MYO1B: variants seen among roughly 807,000 people sequenced by gnomAD.
MYO1B encodes myosin IB, also known as unconventional myosin-Ib.
A neutral mutation model predicts 159.7 loss-of-function variants in MYO1B; 72 were observed. The observed-to-expected ratio is 0.45, with a 90% confidence interval of 0.37 to 0.55. The LOEUF is 0.55. Ranked by LOEUF, MYO1B falls within the 20% of genes least tolerant of loss-of-function variation. The probability of loss-of-function intolerance (pLI) is 0.00; values close to 1 mark genes in which losing one functional copy is unlikely to be tolerated. For missense variants in MYO1B, 1,062 were observed against 1,364.8 expected (o/e 0.78, Z 3.50); for synonymous variants, 468 against 473.8 (o/e 0.99, Z 0.16).
intron 1 of MYO1B, among the ~76,000 whole-genome samples, chr2:191,259,291 T>C (rs1686654265): frequency 6.6e-6 from 1 of 152,174 alleles, no homozygotes; most frequent in Non-Finnish European, 1.5e-5. Context: ...TTTGAGTTGG[T>C]ATTGCAACAG....
chr2:191,379,241 G>T (rs1162815326), intron 13 of MYO1B: 1 of 152,636 alleles, frequency 6.6e-6, no homozygotes, highest in Non-Finnish European at 1.5e-5. Context: ...ACTGCATTTT[G>T]TGTAATTTGT....
intron 1 of MYO1B, among the ~76,000 whole-genome samples, chr2:191,271,282 A>G (rs115382709): frequency 3.7e-4 from 57 of 152,322 alleles, no homozygotes; most frequent in Non-Finnish European, 7.6e-4. Flanking sequence ...TGATGTTATA[A>G]TATATGTGTT....
intron 12 of MYO1B, among the ~76,000 whole-genome samples, 157 bp downstream of exon 12, chr2:191,369,785 T>C (rs1451491974): frequency 6.6e-6 from 1 of 152,226 alleles, no homozygotes; most frequent in African/African-American, 2.4e-5. Flanking sequence ...TTGAAATTTG[T>C]CAGGGATTTT....
At chr2:191,288,055 G>A (rs1287285168) in intron 2 of MYO1B, among the ~76,000 whole-genome samples, 1 of 151,810 alleles carries the variant, frequency 6.6e-6, no homozygotes, top group Non-Finnish European at 1.5e-5. Context: ...CCTTTTTAAG[G>A]CTGAACAGTG....
At chr2:191,420,735 GTA>G (rs1329346470) in intron 30 of MYO1B, among the ~76,000 whole-genome samples, 1 of 152,140 alleles carries the variant, frequency 6.6e-6, no homozygotes, top group African/African-American at 2.4e-5. Context: ...ATATGTGTGT[GTA>G]TATACATATA....
At chr2:191,371,556 C>T (rs1038649979) in intron 13 of MYO1B, among the ~76,000 whole-genome samples, 2 of 152,184 alleles carry the variant, frequency 1.3e-5, no homozygotes, top group African/African-American at 4.8e-5. Flanking sequence ...GGTCAACTAA[C>T]TCCCCAGGGT....
chr2:191,412,275 T>A (rs953722214), intron 27 of MYO1B, among the ~76,000 whole-genome samples: 15 of 152,244 alleles, frequency 9.9e-5, no homozygotes, highest in South Asian at 4.1e-4. Context: ...GCTTTTTTTT[T>A]ATACATTTTT....
chr2:191,375,508 G>GATAGATAGATAT (rs1463039738), intron 13 of MYO1B, among the ~76,000 whole-genome samples: 1 of 152,066 alleles, frequency 6.6e-6, no homozygotes, highest in Non-Finnish European at 1.5e-5. Context: ...TAGATAGATA[G>GATAGATAGATAT]ATAGATGGAT....
chr2:191,267,386 A>T (rs762234388), intron 1 of MYO1B, among the ~76,000 whole-genome samples: 10 of 152,228 alleles, frequency 6.6e-5, no homozygotes, highest in Non-Finnish European at 1.5e-4. Context: ...CCAAGATTTT[A>T]ACAAAAGCCC....
chr2:191,267,581 G>A (rs1008679359), intron 1 of MYO1B, among the ~76,000 whole-genome samples: 5 of 152,196 alleles, frequency 3.3e-5, no homozygotes, highest in Non-Finnish European at 2.9e-5. Flanking sequence ...CAAGTGTGTA[G>A]GTAGGAATGA....
At chr2:191,255,593 TAAATC>T (rs1411353366) in intron 1 of MYO1B, among the ~76,000 whole-genome samples, 3 of 152,238 alleles carry the variant, frequency 2.0e-5, no homozygotes, top group Non-Finnish European at 2.9e-5. Flanking sequence ...ACTGATGACT[TAAATC>T]AAGTTATTAA....
At chr2:191,349,559 G>A (rs1692781565) in intron 6 of MYO1B, among the ~76,000 whole-genome samples, 2 of 152,174 alleles carry the variant, frequency 1.3e-5, no homozygotes, top group African/African-American at 4.8e-5. Flanking sequence ...GTGTTTCTGT[G>A]TGTTTAAGAT....
intron 3 of MYO1B, among the ~76,000 whole-genome samples, chr2:191,318,087 G>A (rs955802221): frequency 2.6e-5 from 4 of 152,074 alleles, no homozygotes; most frequent in Non-Finnish European, 4.4e-5. Context: ...ACTCTCAAAA[G>A]AAACTGTAAA....
rs1698127736 is a variant in MYO1B at position 191,424,638 on chromosome 2, A to G, written c.*678A>G. 6.6e-6 allele frequency: 1 copy of G among 152,322 alleles called. No homozygotes were observed. Among genetic ancestry groups the G allele is most frequent in the South Asian group, 2.1e-4 (1 of 4,820 alleles). 9.4% of individuals were successfully genotyped at this position (152,322 alleles called of 1,614,324 possible). On this transcript the variant is annotated 3_prime_UTR_variant, in exon 31 of 31. Coordinates refer to ENST00000392318, the MANE Select transcript of MYO1B (RefSeq NM_001130158.3). ...AAAAGAAAACTGACATTTGAACAGGACTTTTAATTTGTTTAAAACTCTGGT... is the reference window on the plus strand; with the variant it reads ...AAAAGAAAACTGACATTTGAACAGGGCTTTTAATTTGTTTAAAACTCTGGT...
chr2:191,337,457 AATTCTGATCTAGAT>A (rs1164592724), intron 4 of MYO1B, among the ~76,000 whole-genome samples: 1 of 152,166 alleles, frequency 6.6e-6, no homozygotes, highest in Non-Finnish European at 1.5e-5. Flanking sequence ...TGTAGAAATT[AATTCTGATCTAGAT>A]ATTCTGATCC....
intron 3 of MYO1B, among the ~76,000 whole-genome samples, chr2:191,315,157 G>GTCCGTCCATCCGTCCA (rs1690264098): frequency 1.3e-5 from 2 of 150,068 alleles, no homozygotes; most frequent in East Asian, 4.0e-4. Flanking sequence ...CCGTCCGTCC[G>GTCCGTCCATCCGTCCA]TCCATCCATC....
intron 27 of MYO1B, among the ~76,000 whole-genome samples, chr2:191,412,475 T>G (rs1377548982): frequency 1.3e-5 from 2 of 152,244 alleles, no homozygotes; most frequent in East Asian, 3.8e-4. Context: ...CTTATCAGTT[T>G]TCAGGGATAG....
At chr2:191,281,979 T>TC (rs1250057157) in intron 2 of MYO1B, among the ~76,000 whole-genome samples, 2 of 152,198 alleles carry the variant, frequency 1.3e-5, no homozygotes, top group Admixed American at 6.5e-5. Context: ...GAATTAGGAT[T>TC]CCCAGGATGA....
intron 1 of MYO1B, among the ~76,000 whole-genome samples, chr2:191,253,772 G>A (rs764239125): frequency 5.9e-5 from 9 of 152,170 alleles, no homozygotes; most frequent in Admixed American, 6.5e-5. Context: ...CTTGTTGCTT[G>A]TGGGGCTTTT....
Sources: allele counts gnomAD v4.1 joint callset (sites outside exome capture counted in the v4.1 genomes callset), GRCh38; gene constraint gnomAD v4.1.1; transcripts MANE v1.5; gene names NCBI Gene and HGNC (gene_info 2026-07-23, HGNC 2026-07-21).